The following LOXHD1 variants were observed in gnomAD, a reference collection of about 807,000 sequenced individuals.
LOXHD1 encodes lipoxygenase homology PLAT domains 1, also known as lipoxygenase homology domain-containing protein 1.
LOXHD1 carries 205 observed loss-of-function variants against 248.2 expected under a neutral mutation model. The observed-to-expected ratio is 0.83, with a 90% confidence interval of 0.74 to 0.93. LOXHD1 has a LOEUF of 0.93. Among genes scored for constraint, LOXHD1 ranks in the 40% least tolerant of loss-of-function variants. The probability of loss-of-function intolerance (pLI) is 0.00; values close to 1 mark genes in which losing one functional copy is unlikely to be tolerated. For missense variants in LOXHD1, 2,930 were observed against 2,971.6 expected (o/e 0.99, Z 0.33); for synonymous variants, 1,113 against 1,162.8 (o/e 0.96, Z 0.87).
intron 2 of LOXHD1, among the ~76,000 whole-genome samples, chr18:46,645,086 C>T (rs2039012068): frequency 6.6e-6 from 1 of 152,116 alleles, no homozygotes; most frequent in Non-Finnish European, 1.5e-5. Context: ...TTCTGATTCC[C>T]TTCACTCAGG....
chr18:46,528,893 A>C (rs1470390070), intron 29 of LOXHD1, among the ~76,000 whole-genome samples: 1 of 152,126 alleles, frequency 6.6e-6, no homozygotes, highest in Non-Finnish European at 1.5e-5. Context: ...AAGATGACCC[A>C]GCCCCATCCA....
intron 12 of LOXHD1, among the ~76,000 whole-genome samples, chr18:46,588,789 A>G (rs1298022669): frequency 6.6e-6 from 1 of 152,028 alleles, no homozygotes; most frequent in East Asian, 1.9e-4. Context: ...TGGAGGTCTG[A>G]TTGTAGGTTT....
intron 20 of LOXHD1, chr18:46,557,762 CAGAAG>C (rs1188317515): frequency 1.0e-6 from 1 of 953,566 alleles, no homozygotes; most frequent in African/African-American, 1.7e-5. Context: ...CCTTGAGAGG[CAGAAG>C]AGAAGATAGG....
chr18:46,657,099 C>G lies in LOXHD1; in HGVS notation c.-66G>C. 5 of 1,549,996 alleles carry G rather than the reference C, an allele frequency of 3.2e-6. No individual in the cohort carries two copies. The highest frequency in any genetic ancestry group is 4.4e-6 in the Non-Finnish European group (5 of 1,146,324). ...GCCGCCTCCTCACACCTGCGGGAACCTGAGACCTCCTCCCTGAGCTCTGGC... is the reference window on the plus strand; with the variant it reads ...GCCGCCTCCTCACACCTGCGGGAACGTGAGACCTCCTCCCTGAGCTCTGGC... On this transcript the variant is annotated 5_prime_UTR_variant, in exon 1 of 41. Transcript: ENST00000642948.
chr18:46,518,312 G>C (rs2035378462), intron 33 of LOXHD1, 56 bp from the exon 34 acceptor site: 2 of 1,534,744 alleles, frequency 1.3e-6, no homozygotes, highest in Non-Finnish European at 1.8e-6. Context: ...AACCCCACCT[G>C]ACCTGCCTCA....
chr18:46,592,123 C>T (rs1314036147), intron 11 of LOXHD1, 55 bp from the exon 12 acceptor site: 1 of 1,545,848 alleles, frequency 6.5e-7, no homozygotes, highest in Non-Finnish European at 8.8e-7. Context: ...TTCACCGATG[C>T]CCTGCAGTCC....
Position 46,541,715 on chromosome 18 carries a change from G to T in LOXHD1, c.3913+61C>A. On this transcript the variant is annotated intron_variant, in intron 25 of 40. Transcript: ENST00000642948. ...ATCCTGAAGGAAGAACTGGGGCTGA[G>T]TTGGGGTAGCTGGTGATGGGGCCCC... is the stretch of plus-strand genomic sequence containing the variant. 3 of 1,527,172 alleles carry T rather than the reference G, an allele frequency of 2.0e-6. No individual in the cohort carries two copies. In the South Asian group the frequency reaches 3.6e-5, roughly 18 times the overall value. The allele number at this position is 1,527,172 out of a possible 1,614,324, so 94.6% of individuals were successfully genotyped here.
chr18:46,594,716 C>T (rs996818063), intron 8 of LOXHD1, among the ~76,000 whole-genome samples: 1 of 152,242 alleles, frequency 6.6e-6, no homozygotes, highest in African/African-American at 2.4e-5. Context: ...CTATACACAA[C>T]ACTCTCTTTG....
chr18:46,492,621 A>G (rs1357015976), intron 37 of LOXHD1, among the ~76,000 whole-genome samples: 18 of 152,258 alleles, frequency 1.2e-4, no homozygotes, highest in Non-Finnish European at 1.5e-5. Context: ...GAGCCAAAGC[A>G]TATCAGTAGA....
rs1555685487 is a variant in LOXHD1, at chr18:46,605,415, T to TACGCAGGAGGCTG, written c.760-1187_760-1186insCAGCCTCCTGCGT. ...GGTGGCGGGCACCTATAGTCTCAGCTACGCAGGAGAATGGCGTGAACCCAG... is the reference window on the plus strand; with the variant it reads ...GGTGGCGGGCACCTATAGTCTCAGCTACGCAGGAGGCTGACGCAGGAGAATGGCGTGAACCCAG... On this transcript the variant is annotated intron_variant, in intron 6 of 40. Coordinates refer to ENST00000642948, the MANE Select transcript of LOXHD1 (RefSeq NM_001384474.1). Among the ~76,000 whole-genome samples the TACGCAGGAGGCTG allele has an allele frequency of 5.3e-5, 8 of 151,700 alleles. No homozygotes were observed. In the South Asian group the frequency reaches 1.7e-3, roughly 32 times the overall value.
chr18:46,557,196 G>A (rs765165701), intron 21 of LOXHD1, among the ~76,000 whole-genome samples, 160 bp downstream of exon 21: 92 of 121,788 alleles, frequency 7.6e-4, no homozygotes, highest in Non-Finnish European at 2.4e-4. Flanking sequence ...ACTTTTGGAT[G>A]TCACGGCCAG....
At chr18:46,557,028 C>T (rs550019655) in intron 21 of LOXHD1, among the ~76,000 whole-genome samples, 2 of 146,892 alleles carry the variant, frequency 1.4e-5, no homozygotes, top group Admixed American at 6.8e-5. Flanking sequence ...TACTTTTCGA[C>T]GTCACAGCCA....
intron 37 of LOXHD1, among the ~76,000 whole-genome samples, chr18:46,502,638 CT>C (rs1310477184): frequency 6.6e-6 from 1 of 152,204 alleles, no homozygotes; most frequent in Non-Finnish European, 1.5e-5. Flanking sequence ...GACAGCTCCT[CT>C]TGCCCCTGCC....
At chr18:46,528,372 G>C (rs529788526) in intron 29 of LOXHD1, among the ~76,000 whole-genome samples, 2 of 152,236 alleles carry the variant, frequency 1.3e-5, no homozygotes, top group Non-Finnish European at 2.9e-5. Context: ...GGGAGGAGTA[G>C]AGGCGGGGAG....
chr18:46,546,371 CCCATT>C (rs1299105675), intron 22 of LOXHD1, among the ~76,000 whole-genome samples: 3 of 148,226 alleles, frequency 2.0e-5, no homozygotes, highest in East Asian at 4.0e-4. Context: ...TCCAACCCAT[CCCATT>C]CCATTCCATT....
At chr18:46,490,648 T>G (rs1023176157) in intron 37 of LOXHD1, among the ~76,000 whole-genome samples, 5 of 152,286 alleles carry the variant, frequency 3.3e-5, no homozygotes, top group Non-Finnish European at 5.9e-5. Context: ...GCTAATCTTG[T>G]ATTTTTATTA....
At chr18:46,548,813 T>C (rs2036961017) in intron 21 of LOXHD1, among the ~76,000 whole-genome samples, 1 of 151,922 alleles carries the variant, frequency 6.6e-6, no homozygotes, top group East Asian at 1.9e-4. Flanking sequence ...ACAGAAAAGG[T>C]ACAAGCCCTC....
intron 19 of LOXHD1, 74 bp downstream of exon 19, chr18:46,560,009 G>T: frequency 6.8e-7 from 1 of 1,475,632 alleles, no homozygotes; most frequent in Non-Finnish European, 9.1e-7. Flanking sequence ...TAGGCCCCCT[G>T]CCCCCAGTGG....
At chr18:46,597,231 T>C (rs1480885006) in intron 8 of LOXHD1, among the ~76,000 whole-genome samples, 1 of 152,036 alleles carries the variant, frequency 6.6e-6, no homozygotes, top group Non-Finnish European at 1.5e-5. Flanking sequence ...CCATATTAAG[T>C]ATGTACAGTA....
Sources: allele counts gnomAD v4.1 joint callset (sites outside exome capture counted in the v4.1 genomes callset), GRCh38; gene constraint gnomAD v4.1.1; transcripts MANE v1.5; gene names NCBI Gene and HGNC (gene_info 2026-07-23, HGNC 2026-07-21).